H2BC14: variants seen among roughly 807,000 people sequenced by gnomAD.
The protein encoded by H2BC14 is H2B clustered histone 14, also known as histone H2B type 1-M.
In H2BC14, 17 loss-of-function variants were observed where a neutral mutation model predicts 6.3. The observed-to-expected ratio is 2.70, with a 90% CI of 1.84 to 4.04. The LOEUF (loss-of-function observed/expected upper bound fraction) is 4.04. Ranked by LOEUF, H2BC14 falls within the 30% of genes most tolerant of loss-of-function variation. The probability of loss-of-function intolerance (pLI) is 0.00; values close to 1 mark genes in which losing one functional copy is unlikely to be tolerated. For missense variants in H2BC14, 235 were observed against 165.1 expected (o/e 1.42, Z -2.32); for synonymous variants, 131 against 69.0 (o/e 1.90, Z -4.45).
Position 27,815,418 on chromosome 6 carries a change from C to T in H2BC14, c.375C>T (p.Ser125=). The change falls in exon 1 of 1, where the codon TCC becomes TCT. Residue 125 remains serine, a synonymous_variant. Transcript: ENST00000621112. ...GTKAVTKYTS[S]K is the part of the protein sequence containing the mutation. ...AGGCCGTCACCAAGTATACCAGCTC[C>T]AAGTGAGCCTCTCGCTGCAGTAACA... The T allele has an allele frequency of 1.2e-6, 2 of 1,614,050 alleles. No homozygotes were observed. The highest frequency in any genetic ancestry group is 1.7e-6 in the Non-Finnish European group (2 of 1,180,008).
chr6:27,815,238 C>G lies in H2BC14; in HGVS notation c.195C>G (p.Ser65=). 2 of 1,614,248 alleles carry G rather than the reference C, an allele frequency of 1.2e-6. No homozygotes were observed. The highest frequency in any genetic ancestry group is 8.5e-7 in the Non-Finnish European group (1 of 1,180,048). ...CCAAGGCTATGGGAATCATGAACTCCTTCGTCAACGACATCTTTGAGCGTA... is the reference window on the plus strand; with the variant it reads ...CCAAGGCTATGGGAATCATGAACTCGTTCGTCAACGACATCTTTGAGCGTA... The part of the protein sequence containing the change: ...ISSKAMGIMN[S]FVNDIFERIA... The change falls in exon 1 of 1, where the codon TCC becomes TCG. Residue 65 remains serine, a synonymous_variant. Coordinates refer to ENST00000621112, the MANE Select transcript of H2BC14 (RefSeq NM_003521.3).
rs756843919 is a variant in H2BC14 at position 27,815,157 on chromosome 6, C to T, written c.114C>T (p.Tyr38=). The T allele has an allele frequency of 4.2e-5, 67 of 1,614,126 alleles. 1 individual carries two copies. In the South Asian group the frequency reaches 6.3e-4, roughly 15 times the overall value. ...KKRKRSRKES[Y]SVYVYKVLKQ... is the part of the protein sequence containing the mutation. Reference sequence around the variant, plus strand: ...GCAAACGCAGCCGCAAGGAGAGCTACTCTGTGTATGTGTACAAGGTGCTGA... The same window carrying T: ...GCAAACGCAGCCGCAAGGAGAGCTATTCTGTGTATGTGTACAAGGTGCTGA... Residue 38 remains tyrosine, a synonymous_variant, in exon 1 of 1, where the codon TAC becomes TAT. Transcript: ENST00000621112.
At position 27,815,075 on chromosome 6, in the gene H2BC14, C is replaced by G. The variant is rs376010138; in HGVS notation, c.32C>G (p.Pro11Arg). Residue 11 changes from proline to arginine, a missense_variant, in exon 1 of 1, where the codon CCT becomes CGT. Transcript: ENST00000621112. ...GAACCAGTCAAATCTGCTCCAGTCC[C>G]TAAAAAAGGCTCCAAGAAGGCCATT... is the stretch of plus-strand genomic sequence containing the variant. Reference protein sequence around the residue: MPEPVKSAPVPKKGSKKAINK... With the variant: MPEPVKSAPVRKKGSKKAINK... 3.7e-6 allele frequency: 6 copies of G among 1,613,160 alleles called. No homozygotes were observed. The African/African-American group carries it at 6.7e-5, about 18-fold the overall frequency.
rs541713568 is a variant in H2BC14 at position 27,815,070 on chromosome 6, A to G, written c.27A>G (p.Pro9=). 1.9e-6 allele frequency: 3 copies of G among 1,612,976 alleles called. No homozygotes were observed. The highest frequency in any genetic ancestry group is 1.3e-5 in the African/African-American group (1 of 74,818). MPEPVKSA[P]VPKKGSKKAI... is the part of the protein sequence containing the mutation. ...TGCCTGAACCAGTCAAATCTGCTCC[A>G]GTCCCTAAAAAAGGCTCCAAGAAGG... Residue 9 remains proline, a synonymous_variant, in exon 1 of 1, where the codon CCA becomes CCG. Coordinates refer to ENST00000621112, the MANE Select transcript of H2BC14 (RefSeq NM_003521.3).
chr6:27,815,123 G>T lies in H2BC14; in HGVS notation c.80G>T (p.Gly27Val), dbSNP rs1481380985. 6.2e-7 allele frequency: 1 copy of T among 1,614,190 alleles called. No homozygotes were observed. Among genetic ancestry groups the T allele is most frequent in the South Asian group, 1.1e-5 (1 of 91,080 alleles). ...KAINKAQKKD[G>V]KKRKRSRKES... ...ATTAACAAGGCTCAGAAGAAGGATG[G>T]AAAGAAGCGCAAACGCAGCCGCAAG... The change falls in exon 1 of 1, where the codon GGA (glycine) becomes GTA (valine). Residue 27 changes from glycine to valine, a missense_variant. Transcript: ENST00000621112.
In H2BC14 at chr6:27,815,077, A is replaced by G. The variant is rs1760638840; in HGVS notation, c.34A>G (p.Lys12Glu). 6.2e-7 allele frequency: 1 copy of G among 1,612,598 alleles called. No individual in the cohort carries two copies. The highest frequency in any genetic ancestry group is 8.5e-7 in the Non-Finnish European group (1 of 1,179,228). Reference sequence around the variant, plus strand: ...ACCAGTCAAATCTGCTCCAGTCCCTAAAAAAGGCTCCAAGAAGGCCATTAA... The same window carrying G: ...ACCAGTCAAATCTGCTCCAGTCCCTGAAAAAGGCTCCAAGAAGGCCATTAA... ...PEPVKSAPVP[K>E]KGSKKAINKA... Residue 12 changes from lysine (K) to glutamate (E), a missense_variant, in exon 1 of 1, where the codon AAA becomes GAA. Transcript: ENST00000621112.
In H2BC14 at chr6:27,815,079, A is replaced by AT; in HGVS notation, c.36_37insT (p.Lys13Ter). 6.2e-7 allele frequency: 1 copy of AT among 1,613,516 alleles called. No homozygotes were observed. ...CAGTCAAATCTGCTCCAGTCCCTAAAAAAGGCTCCAAGAAGGCCATTAACA... is the reference window on the plus strand; with the variant it reads ...CAGTCAAATCTGCTCCAGTCCCTAAATAAAGGCTCCAAGAAGGCCATTAACA... On this transcript the variant is annotated frameshift_variant, in exon 1 of 1. Coordinates refer to ENST00000621112, the MANE Select transcript of H2BC14 (RefSeq NM_003521.3). LOFTEE classifies it high-confidence loss of function.
At position 27,815,155 on chromosome 6, in the gene H2BC14, T is replaced by C. The variant is rs140032093; in HGVS notation, c.112T>C (p.Tyr38His). 3.0e-5 allele frequency: 49 copies of C among 1,614,218 alleles called. No individual in the cohort carries two copies. The African/African-American group carries it at 4.4e-4, about 14-fold the overall frequency. Reference sequence around the variant, plus strand: ...GCGCAAACGCAGCCGCAAGGAGAGCTACTCTGTGTATGTGTACAAGGTGCT... The same window carrying C: ...GCGCAAACGCAGCCGCAAGGAGAGCCACTCTGTGTATGTGTACAAGGTGCT... ...KKRKRSRKES[Y>H]SVYVYKVLKQ... Residue 38 changes from tyrosine (Y) to histidine (H), a missense_variant, in exon 1 of 1, where the codon TAC becomes CAC. Physicochemically the swap from Tyr to His is moderately conservative, Grantham distance 83 (BLOSUM62 2). Transcript: ENST00000621112.
chr6:27,815,309 C>T lies in H2BC14; in HGVS notation c.266C>T (p.Thr89Ile). The change falls in exon 1 of 1, where the codon ACC (threonine) becomes ATC (isoleucine). Residue 89 changes from threonine to isoleucine, a missense_variant. By Grantham distance (89) the Thr-to-Ile change is moderately conservative (BLOSUM62 -1). Coordinates refer to ENST00000621112, the MANE Select transcript of H2BC14 (RefSeq NM_003521.3). Reference protein sequence around the residue: ...SRLAHYNKRSTITSREIQTAV... With the variant: ...SRLAHYNKRSIITSREIQTAV... The stretch of plus-strand genomic sequence containing the variant: ...CTGGCGCATTACAACAAGCGCTCGA[C>T]CATCACTTCGAGGGAGATCCAGACG... 1 of 1,614,248 alleles carries T rather than the reference C, an allele frequency of 6.2e-7. No homozygotes were observed. Among genetic ancestry groups the T allele is most frequent in the Non-Finnish European group, 8.5e-7 (1 of 1,180,050 alleles).
chr6:27,815,187 G>C lies in H2BC14; in HGVS notation c.144G>C (p.Gln48His). The C allele has an allele frequency of 6.2e-7, 1 of 1,614,202 alleles. No individual in the cohort carries two copies. Among genetic ancestry groups the C allele is most frequent in the East Asian group, 2.2e-5 (1 of 44,888 alleles). Residue 48 changes from glutamine to histidine, a missense_variant, in exon 1 of 1, where the codon CAG (glutamine) becomes CAC (histidine). Gln to His is a conservative substitution (Grantham distance 24). Transcript: ENST00000621112. ...YSVYVYKVLK[Q>H]VHPDTGISSK... ...TGTATGTGTACAAGGTGCTGAAGCA[G>C]GTCCACCCCGACACCGGCATCTCTT... is the stretch of plus-strand genomic sequence containing the variant.
chr6:27,815,061 A>G lies in H2BC14; in HGVS notation c.18A>G (p.Lys6=), dbSNP rs1338778253. Residue 6 remains lysine (K), a synonymous_variant, in exon 1 of 1, where the codon AAA becomes AAG. Transcript: ENST00000621112. The part of the protein sequence containing the change: MPEPV[K]SAPVPKKGSK... ...TTTCCACCATGCCTGAACCAGTCAA[A>G]TCTGCTCCAGTCCCTAAAAAAGGCT... 3 of 1,611,628 alleles carry G rather than the reference A, an allele frequency of 1.9e-6. No homozygotes were observed. Among genetic ancestry groups the G allele is most frequent in the East Asian group, 2.2e-5 (1 of 44,872 alleles).
rs749423013 is a variant in H2BC14 at position 27,815,473 on chromosome 6, C to T, written c.*49C>T. On this transcript the variant is annotated 3_prime_UTR_variant, in exon 1 of 1. Transcript: ENST00000621112. ...CGCCGTGACCCACACCCCAAAGGCTCTTTTCAGAGCCGTCCACGTTTCTCA... is the reference window on the plus strand; with the variant it reads ...CGCCGTGACCCACACCCCAAAGGCTTTTTTCAGAGCCGTCCACGTTTCTCA... 12 of 1,586,818 alleles carry T rather than the reference C, an allele frequency of 7.6e-6. No individual in the cohort carries two copies. In the East Asian group the frequency reaches 2.5e-4, roughly 33 times the overall value.
Position 27,815,223 on chromosome 6 carries a change from G to T in H2BC14, c.180G>T (p.Met60Ile). The change falls in exon 1 of 1, where the codon ATG becomes ATT. Residue 60 changes from methionine to isoleucine, a missense_variant. Met to Ile is a conservative substitution (Grantham distance 10). Coordinates refer to ENST00000621112, the MANE Select transcript of H2BC14 (RefSeq NM_003521.3). ...ACACCGGCATCTCTTCCAAGGCTAT[G>T]GGAATCATGAACTCCTTCGTCAACG... The part of the protein sequence containing the change: ...HPDTGISSKA[M>I]GIMNSFVNDI... 1 of 1,614,240 alleles carries T rather than the reference G, an allele frequency of 6.2e-7. No homozygotes were observed. The highest frequency in any genetic ancestry group is 8.5e-7 in the Non-Finnish European group (1 of 1,180,052).
At position 27,815,204 on chromosome 6, in the gene H2BC14, G is replaced by A. The variant is rs1438417001; in HGVS notation, c.161G>A (p.Gly54Asp). 6.2e-7 allele frequency: 1 copy of A among 1,614,206 alleles called. No homozygotes were observed. The highest frequency in any genetic ancestry group is 8.5e-7 in the Non-Finnish European group (1 of 1,180,044). The change falls in exon 1 of 1, where the codon GGC (glycine) becomes GAC (aspartate). Residue 54 changes from glycine to aspartate, a missense_variant. Coordinates refer to ENST00000621112, the MANE Select transcript of H2BC14 (RefSeq NM_003521.3). ...CTGAAGCAGGTCCACCCCGACACCG[G>A]CATCTCTTCCAAGGCTATGGGAATC... ...KVLKQVHPDT[G>D]ISSKAMGIMN...
At position 27,815,452 on chromosome 6, in the gene H2BC14, G is replaced by A. The variant is rs1054029081; in HGVS notation, c.*28G>A. 6.2e-7 allele frequency: 1 copy of A among 1,611,170 alleles called. No individual in the cohort carries two copies. Among genetic ancestry groups the A allele is most frequent in the African/African-American group, 1.3e-5 (1 of 74,794 alleles). On this transcript the variant is annotated 3_prime_UTR_variant, in exon 1 of 1. Transcript: ENST00000621112. ...CTCTCGCTGCAGTAACAGTTCCGCC[G>A]TGACCCACACCCCAAAGGCTCTTTT...
chr6:27,815,102 A>G lies in H2BC14; in HGVS notation c.59A>G (p.Asn20Ser), dbSNP rs374936370. Residue 20 changes from asparagine (N) to serine (S), a missense_variant, in exon 1 of 1, where the codon AAC (asparagine) becomes AGC (serine). Asn to Ser is a conservative substitution (Grantham distance 46). Coordinates refer to ENST00000621112, the MANE Select transcript of H2BC14 (RefSeq NM_003521.3). ...VPKKGSKKAI[N>S]KAQKKDGKKR... is the part of the protein sequence containing the mutation. Reference sequence around the variant, plus strand: ...AAAAAAGGCTCCAAGAAGGCCATTAACAAGGCTCAGAAGAAGGATGGAAAG... The same window carrying G: ...AAAAAAGGCTCCAAGAAGGCCATTAGCAAGGCTCAGAAGAAGGATGGAAAG... 10 of 1,614,134 alleles carry G rather than the reference A, an allele frequency of 6.2e-6. No individual in the cohort carries two copies. The highest frequency in any genetic ancestry group is 2.7e-5 in the African/African-American group (2 of 75,060).
Position 27,815,313 on chromosome 6 carries a change from C to T in H2BC14, c.270C>T (p.Ile90=), listed in dbSNP as rs778447095. 3 of 1,614,128 alleles carry T rather than the reference C, an allele frequency of 1.9e-6. No homozygotes were observed. The African/African-American group carries it at 4.0e-5, about 22-fold the overall frequency. ...RLAHYNKRST[I]TSREIQTAVR... ...CGCATTACAACAAGCGCTCGACCAT[C>T]ACTTCGAGGGAGATCCAGACGGCCG... Residue 90 remains isoleucine, a synonymous_variant, in exon 1 of 1, where the codon ATC becomes ATT. Transcript: ENST00000621112.
At position 27,815,179 on chromosome 6, in the gene H2BC14, C is replaced by T; in HGVS notation, c.136C>T (p.Leu46=). Residue 46 remains leucine (L), a synonymous_variant, in exon 1 of 1, where the codon CTG becomes TTG. Transcript: ENST00000621112. ...ESYSVYVYKV[L]KQVHPDTGIS... Reference sequence around the variant, plus strand: ...CTACTCTGTGTATGTGTACAAGGTGCTGAAGCAGGTCCACCCCGACACCGG... The same window carrying T: ...CTACTCTGTGTATGTGTACAAGGTGTTGAAGCAGGTCCACCCCGACACCGG... 1 of 1,614,228 alleles carries T rather than the reference C, an allele frequency of 6.2e-7. No individual in the cohort carries two copies. The highest frequency in any genetic ancestry group is 8.5e-7 in the Non-Finnish European group (1 of 1,180,044).
Position 27,815,350 on chromosome 6 carries a change from C to CT in H2BC14, c.308dup (p.Pro104ThrfsTer30), listed in dbSNP as rs1561926191. ...GATCCAGACGGCCGTGCGCCTACTG[C>CT]TACCCGGGGAATTGGCCAAGCACGC... On this transcript the variant is annotated frameshift_variant, in exon 1 of 1. Coordinates refer to ENST00000621112, the MANE Select transcript of H2BC14 (RefSeq NM_003521.3). LOFTEE classifies it high-confidence loss of function. 6.2e-7 allele frequency: 1 copy of CT among 1,614,238 alleles called. No individual in the cohort carries two copies. The highest frequency in any genetic ancestry group is 1.7e-5 in the Admixed American group (1 of 60,030).
Sources: gnomAD v4.1 joint callset for allele counts on GRCh38, gnomAD v4.1.1 for gene constraint, MANE v1.5 for transcripts, NCBI Gene and HGNC (gene_info 2026-07-23, HGNC 2026-07-21) for gene names.